ABHD18: variants seen among roughly 807,000 people sequenced by gnomAD.
ABHD18 encodes the protein cardiolipin-specific deacylase, mitochondrial.
In ABHD18, 55 loss-of-function variants were observed where a neutral mutation model predicts 65.9. The ratio of observed to expected loss-of-function variants is 0.84; its 90% CI spans 0.67 to 1.05. ABHD18 has a LOEUF of 1.05. Ranked by LOEUF, ABHD18 falls within the 50% of genes least tolerant of loss-of-function variation. The pLI, the probability that ABHD18 is intolerant of heterozygous loss-of-function variation, is 0.00. For synonymous variants in ABHD18, 181 were observed against 180.2 expected (o/e 1.00, Z -0.04); for missense variants, 533 against 558.5 (o/e 0.95, Z 0.46).
Position 128,038,601 on chromosome 4 carries a change from T to C in ABHD18, c.*2788T>C, listed in dbSNP as rs934945862. 6.6e-6 allele frequency: 1 copy of C among 152,144 alleles called. No individual in the cohort carries two copies. Among genetic ancestry groups the C allele is most frequent in the Non-Finnish European group, 1.5e-5 (1 of 68,018 alleles). The allele number at this position is 152,144 out of a possible 1,614,324, so 9.4% of individuals were successfully genotyped here. A position where few individuals can be genotyped will look rare whatever the true frequency, so the allele number is the denominator to read the frequency against. On this transcript the variant is annotated 3_prime_UTR_variant, in exon 13 of 13. Coordinates refer to ENST00000645843, the MANE Select transcript of ABHD18 (RefSeq NM_001358451.3). ...CTCTTAACCAGATGTTTTAAGAATA[T>C]ATCCCTAGGCCGGGTGCAGTGGCTC...
intron 10 of ABHD18, among the ~76,000 whole-genome samples, chr4:128,023,162 A>G (rs17012870): frequency 0.042 from 6,391 of 152,138 alleles, 359 homozygotes; most frequent in East Asian, 0.27. Flanking sequence ...TATGAATGAG[A>G]ACTTTTTATT....
intron 12 of ABHD18, among the ~76,000 whole-genome samples, chr4:128,035,140 TA>T (rs1278401749): frequency 6.6e-6 from 1 of 152,162 alleles, no homozygotes; most frequent in Non-Finnish European, 1.5e-5. Flanking sequence ...GATAAGACAA[TA>T]AATCAGTTCC....
chr4:127,969,905 C>A (rs547614237), intron 1 of ABHD18, among the ~76,000 whole-genome samples: 5 of 152,220 alleles, frequency 3.3e-5, no homozygotes, highest in African/African-American at 1.2e-4. Flanking sequence ...CACCACCACA[C>A]CTGGCTAGAT....
chr4:128,028,432 T>C, intron 10 of ABHD18, 43 bp from the exon 11 acceptor site: 1 of 1,370,142 alleles, frequency 7.3e-7, no homozygotes, highest in Non-Finnish European at 9.6e-7. Flanking sequence ...GTTAATACCC[T>C]ATTTTATATT....
intron 1 of ABHD18, among the ~76,000 whole-genome samples, chr4:127,981,088 T>C (rs1043567619): frequency 2.3e-4 from 35 of 152,204 alleles, no homozygotes; most frequent in Non-Finnish European, 2.9e-5. Flanking sequence ...TAATGAGATT[T>C]GCAATTTAAA....
rs1756264052 is a variant in ABHD18 at position 128,020,232 on chromosome 4, G to A, written c.699+63G>A. ...AATTAGAGGTAATTGTTTTGGGGGG[G>A]TCCCCAAAACCACCCTCAGCTTTGG... On this transcript the variant is annotated intron_variant, in intron 9 of 12. Coordinates refer to ENST00000645843, the MANE Select transcript of ABHD18 (RefSeq NM_001358451.3). 8 of 1,358,550 alleles carry A rather than the reference G, an allele frequency of 5.9e-6. No homozygotes were observed. The Middle Eastern group carries it at 1.1e-3, about 184-fold the overall frequency. The allele number at this position is 1,358,550 out of a possible 1,614,324, so 84.2% of individuals were successfully genotyped here. A position where few individuals can be genotyped will look rare whatever the true frequency, so the allele number is the denominator to read the frequency against.
intron 4 of ABHD18, among the ~76,000 whole-genome samples, chr4:128,000,282 T>A (rs1209326023): frequency 6.6e-6 from 1 of 152,200 alleles, no homozygotes; most frequent in South Asian, 2.1e-4. Flanking sequence ...CTTTAATCCA[T>A]CTTGAGTTAA....
At chr4:127,974,669 G>C (rs896343319) in intron 1 of ABHD18, among the ~76,000 whole-genome samples, 4 of 151,854 alleles carry the variant, frequency 2.6e-5, no homozygotes, top group Admixed American at 1.3e-4. Context: ...ATGGCATCTG[G>C]CAAGTTCTGT....
chr4:127,985,918 G>A (rs925524784), intron 3 of ABHD18, among the ~76,000 whole-genome samples: 1 of 152,102 alleles, frequency 6.6e-6, no homozygotes, highest in African/African-American at 2.4e-5. Flanking sequence ...GGGAGGCTGA[G>A]ACAGGAGAAT....
chr4:128,011,549 T>C, intron 6 of ABHD18, 124 bp from the exon 7 acceptor site: 1 of 567,954 alleles, frequency 1.8e-6, no homozygotes, highest in Non-Finnish European at 2.9e-6. Context: ...AACAGCCTAC[T>C]TAAGATAATT....
rs1002275312 is a variant in ABHD18 at position 128,028,499 on chromosome 4, G to A, written c.826G>A (p.Glu276Lys). 6.3e-7 allele frequency: 1 copy of A among 1,576,074 alleles called. No individual in the cohort carries two copies. The highest frequency in any genetic ancestry group is 1.2e-5 in the South Asian group (1 of 84,680). The change falls in exon 11 of 13, where the codon GAG becomes AAG. Residue 276 changes from glutamate to lysine, a missense_variant. This residue lies in a region of ABHD18 where 220 missense variants were observed against 226.8 expected (regional missense o/e 0.97). Transcript: ENST00000645843. ...GACAGATTCTTTCAAAATGGGACAA[G>A]AGTTTGTGAAACACTTCACTAGCAG... The part of the protein sequence containing the change: ...CGTDSFKMGQ[E>K]FVKHFTSSAD...
intron 8 of ABHD18, among the ~76,000 whole-genome samples, chr4:128,019,319 G>A (rs1371452298): frequency 1.3e-5 from 2 of 152,052 alleles, no homozygotes; most frequent in Admixed American, 6.6e-5. Context: ...ATCTGATCTT[G>A]ATCAATCTTT....
At chr4:127,992,857 A>G (rs569761674) in intron 4 of ABHD18, among the ~76,000 whole-genome samples, 2 of 152,162 alleles carry the variant, frequency 1.3e-5, no homozygotes, top group South Asian at 4.2e-4. Context: ...ACTCTTTTAG[A>G]TATGCTTTAT....
At position 128,003,417 on chromosome 4, in the gene ABHD18, A is replaced by C. The variant is rs1442866179; in HGVS notation, c.279-5503A>C. Among the ~76,000 whole-genome samples the C allele has an allele frequency of 2.0e-5, 3 of 152,190 alleles. No homozygotes were observed. The South Asian group carries it at 6.2e-4, about 32-fold the overall frequency. ...ATAATACAGATTCTGTTAAATTAAA[A>C]TACATATTGTAAACCATAGAGAAAC... On this transcript the variant is annotated intron_variant, in intron 4 of 12. Transcript: ENST00000645843.
chr4:127,993,073 C>CA (rs916701424), intron 4 of ABHD18, among the ~76,000 whole-genome samples: 67 of 149,858 alleles, frequency 4.5e-4, no homozygotes, highest in Middle Eastern at 3.5e-3. Context: ...GACCCTGTGT[C>CA]AAAAAAAAAA....
At chr4:128,015,446 G>T (rs1340103599) in intron 7 of ABHD18, among the ~76,000 whole-genome samples, 1 of 152,054 alleles carries the variant, frequency 6.6e-6, no homozygotes, top group African/African-American at 2.4e-5. Context: ...GGGGACCTGA[G>T]AATTCAAGGC....
Position 128,037,590 on chromosome 4 carries a change from G to C in ABHD18, c.*1777G>C, listed in dbSNP as rs956250748. 9 of 152,024 alleles carry C rather than the reference G, an allele frequency of 5.9e-5. No homozygotes were observed. The highest frequency in any genetic ancestry group is 1.7e-4 in the African/African-American group (7 of 41,408). 9.4% of individuals were successfully genotyped at this position (152,024 alleles called of 1,614,324 possible). ...TGACCTCAAGTGATATGCCTGCCTT[G>C]GCCTCCCAAAGTGCTGGGATTATAG... On this transcript the variant is annotated 3_prime_UTR_variant, in exon 13 of 13. Coordinates refer to ENST00000645843, the MANE Select transcript of ABHD18 (RefSeq NM_001358451.3).
At chr4:128,027,572 A>C (rs897202678) in intron 10 of ABHD18, among the ~76,000 whole-genome samples, 2 of 152,024 alleles carry the variant, frequency 1.3e-5, no homozygotes, top group African/African-American at 2.4e-5. Flanking sequence ...TGCCCGGCTA[A>C]ATTTTGTATT....
At chr4:127,970,219 G>T (rs1353936556) in intron 1 of ABHD18, among the ~76,000 whole-genome samples, 1 of 151,904 alleles carries the variant, frequency 6.6e-6, no homozygotes, top group Non-Finnish European at 1.5e-5. Context: ...TTTTACTATT[G>T]TGGATTCTAC....
Sources: gnomAD v4.1 joint callset for allele counts (sites outside exome capture counted in the v4.1 genomes callset) on GRCh38, gnomAD v4.1.1 for gene constraint, gnomAD v4.1.1 regional missense constraint, MANE v1.5 for transcripts, NCBI Gene and HGNC (gene_info 2026-07-23, HGNC 2026-07-21) for gene names.